SNRPA: variants seen among roughly 807,000 people sequenced by gnomAD.
The protein encoded by SNRPA is small nuclear ribonucleoprotein polypeptide A.
A neutral mutation model predicts 24.5 loss-of-function variants in SNRPA; 10 were observed. The ratio of observed to expected loss-of-function variants is 0.41; its 90% CI spans 0.25 to 0.69. SNRPA has a LOEUF of 0.69. Ranked by LOEUF, SNRPA falls within the 30% of genes least tolerant of loss-of-function variation. The pLI, the probability that SNRPA is intolerant of heterozygous loss-of-function variation, is 0.33. For synonymous variants in SNRPA, 165 were observed against 148.4 expected (o/e 1.11, Z -0.81); for missense variants, 283 against 394.7 (o/e 0.72, Z 2.40).
intron 3 of SNRPA, 109 bp downstream of exon 3, chr19:40,759,719 C>T: frequency 1.0e-6 from 1 of 956,802 alleles, no homozygotes; most frequent in Non-Finnish European, 1.5e-6. Flanking sequence ...CTTCAGACCC[C>T]TCCTTTCCAT....
chr19:40,761,466 T>C (rs984181094), intron 3 of SNRPA, among the ~76,000 whole-genome samples: 4 of 108,512 alleles, frequency 3.7e-5, no homozygotes, highest in African/African-American at 1.5e-4. Flanking sequence ...TTCTTTTTTT[T>C]TTTTTTTTTT....
Position 40,751,445 on chromosome 19 carries a change from T to A in SNRPA, c.37T>A (p.Tyr13Asn), listed in dbSNP as rs1396171395. The change falls in exon 1 of 6, where the codon TAT becomes AAT. Residue 13 changes from tyrosine (Y) to asparagine (N), a missense_variant. Transcript: ENST00000243563. ...VPETRPNHTI[Y>N]INNLNEKIKK... ...CGAGACCCGCCCTAACCACACTATT[T>A]ATATCAACAACCTCAATGAGAAGAT... 6.2e-7 allele frequency: 1 copy of A among 1,613,600 alleles called. No individual in the cohort carries two copies. Among genetic ancestry groups the A allele is most frequent in the East Asian group, 2.2e-5 (1 of 44,858 alleles).
At chr19:40,763,458 A>C in intron 4 of SNRPA, 129 bp from the exon 5 acceptor site, 2 of 766,578 alleles carry the variant, frequency 2.6e-6, no homozygotes, top group Non-Finnish European at 4.7e-6. Context: ...AGACAACAAT[A>C]TGTGGTATGT....
Position 40,765,354 on chromosome 19 carries a change from A to G in SNRPA, c.*187A>G. 1 of 379,390 alleles carries G rather than the reference A, an allele frequency of 2.6e-6. No homozygotes were observed. The highest frequency in any genetic ancestry group is 3.8e-5 in the East Asian group (1 of 26,170). The allele number at this position is 379,390 out of a possible 1,614,324, so 23.5% of individuals were successfully genotyped here. A position where few individuals can be genotyped will look rare whatever the true frequency, so the allele number is the denominator to read the frequency against. Reference sequence around the variant, plus strand: ...ATTGCACCTGGCGCTGTTAGGCCGGAATTAAAGTGGCTTTTTGAGGTTTGG... The same window carrying G: ...ATTGCACCTGGCGCTGTTAGGCCGGGATTAAAGTGGCTTTTTGAGGTTTGG... On this transcript the variant is annotated 3_prime_UTR_variant, in exon 6 of 6. Transcript: ENST00000243563.
rs372619986 is a variant in SNRPA at position 40,764,996 on chromosome 19, G to C, written c.690-12G>C. 1 of 1,549,598 alleles carries C rather than the reference G, an allele frequency of 6.5e-7. No homozygotes were observed. The highest frequency in any genetic ancestry group is 1.2e-5 in the South Asian group (1 of 81,528). On this transcript the variant is annotated splice_polypyrimidine_tract_variant and intron_variant, in intron 5 of 5. Coordinates refer to ENST00000243563, the MANE Select transcript of SNRPA (RefSeq NM_004596.5). ...AAATGCTGAGTCCCTGAGGTCTGTC[G>C]TTCTCTTTCAGGTTCCCTGGCTTCA... is the stretch of plus-strand genomic sequence containing the variant.
intron 5 of SNRPA, among the ~76,000 whole-genome samples, chr19:40,764,762 T>C (rs1485027291): frequency 6.6e-6 from 1 of 151,916 alleles, no homozygotes; most frequent in Admixed American, 6.6e-5. Flanking sequence ...GAGACTGCGG[T>C]GTACTGTTTC....
intron 4 of SNRPA, chr19:40,763,358 T>C (rs1198275623): frequency 1.2e-5 from 7 of 604,062 alleles, no homozygotes; most frequent in Non-Finnish European, 2.1e-5. Flanking sequence ...TTCTGCACTG[T>C]AGGGCTGCAG....
chr19:40,752,999 G>A (rs1036186948), intron 1 of SNRPA, among the ~76,000 whole-genome samples: 3 of 152,148 alleles, frequency 2.0e-5, no homozygotes, highest in Admixed American at 6.6e-5. Flanking sequence ...GAAAATTATC[G>A]GGAGAACCGA....
intron 1 of SNRPA, among the ~76,000 whole-genome samples, chr19:40,754,009 G>A (rs956089746): frequency 2.0e-5 from 3 of 151,270 alleles, no homozygotes; most frequent in African/African-American, 4.9e-5. Context: ...AACCATGTTA[G>A]CCAGGATGGT....
intron 2 of SNRPA, 124 bp downstream of exon 2, chr19:40,757,628 C>A: frequency 1.1e-6 from 1 of 883,818 alleles, no homozygotes; most frequent in South Asian, 1.8e-5. Flanking sequence ...CAGGCTCCCA[C>A]TGCACCTTGC....
rs774586607 is a variant in SNRPA, at chr19:40,765,200, G to A, written c.*33G>A. 5 of 1,439,608 alleles carry A rather than the reference G, an allele frequency of 3.5e-6. No individual in the cohort carries two copies. In the East Asian group the frequency reaches 8.1e-5, roughly 23 times the overall value. The allele number at this position is 1,439,608 out of a possible 1,614,324, so 89.2% of individuals were successfully genotyped here. A position where few individuals can be genotyped will look rare whatever the true frequency, so the allele number is the denominator to read the frequency against. On this transcript the variant is annotated 3_prime_UTR_variant, in exon 6 of 6. Transcript: ENST00000243563. ...TCCCCCCATGCCTGCCCCTTCCCCT[G>A]TTCTGGGGCCACCCCTTTCCCCCTT...
intron 2 of SNRPA, among the ~76,000 whole-genome samples, chr19:40,759,039 C>G (rs1247736775): frequency 6.6e-6 from 1 of 151,634 alleles, no homozygotes; most frequent in East Asian, 2.0e-4. Context: ...GAAACCCTGT[C>G]TCTACTAAAA....
intron 3 of SNRPA, among the ~76,000 whole-genome samples, chr19:40,761,521 C>T (rs2082932820): frequency 8.4e-6 from 1 of 118,608 alleles, no homozygotes; most frequent in Admixed American, 1.3e-4. Context: ...GGCTGGAGTG[C>T]AGTGGTGTGA....
chr19:40,762,741 C>T (rs1299895857), intron 3 of SNRPA, among the ~76,000 whole-genome samples, 160 bp from the exon 4 acceptor site: 2 of 152,158 alleles, frequency 1.3e-5, no homozygotes, highest in Non-Finnish European at 2.9e-5. Context: ...CCCACTAGAC[C>T]CTGGGTTTGT....
chr19:40,754,137 T>G (rs1010207584), intron 1 of SNRPA, among the ~76,000 whole-genome samples: 31 of 137,310 alleles, frequency 2.3e-4, no homozygotes, highest in African/African-American at 8.2e-4. Flanking sequence ...GGAGTGTCGC[T>G]CTGTTGCCCA....
intron 5 of SNRPA, among the ~76,000 whole-genome samples, chr19:40,764,329 A>G (rs942066973): frequency 1.3e-5 from 2 of 152,228 alleles, no homozygotes; most frequent in South Asian, 4.1e-4. Flanking sequence ...AGAAAGCGCA[A>G]CTTTATAATA....
intron 1 of SNRPA, 80 bp downstream of exon 1, chr19:40,751,561 T>G (rs2082863847): frequency 9.5e-7 from 1 of 1,047,134 alleles, no homozygotes; most frequent in African/African-American, 1.6e-5. Context: ...CCGCCTCTCT[T>G]TCTAAGTGTT....
intron 2 of SNRPA, among the ~76,000 whole-genome samples, chr19:40,758,335 C>A (rs1406068259): frequency 6.6e-6 from 1 of 152,114 alleles, no homozygotes; most frequent in African/African-American, 2.4e-5. Flanking sequence ...CTATTTTGTT[C>A]ATTGCTTTAT....
chr19:40,757,265 G>A, intron 1 of SNRPA, 67 bp from the exon 2 acceptor site: 1 of 1,498,774 alleles, frequency 6.7e-7, no homozygotes, highest in Non-Finnish European at 9.2e-7. Flanking sequence ...TTGGCTGATG[G>A]TCTTCTATTT....
Sources: allele counts gnomAD v4.1 joint callset (sites outside exome capture counted in the v4.1 genomes callset), GRCh38; gene constraint gnomAD v4.1.1; transcripts MANE v1.5; gene names NCBI Gene and HGNC (gene_info 2026-07-23, HGNC 2026-07-21).